QRICH1: variants seen among roughly 807,000 people sequenced by gnomAD.
QRICH1 encodes transcriptional regulator QRICH1.
Under a neutral mutation model 87.1 loss-of-function variants are expected in QRICH1, and 16 were observed. The observed-to-expected ratio is 0.18, with a 90% CI of 0.12 to 0.28. QRICH1 has a LOEUF of 0.28. Ranked by LOEUF, QRICH1 falls within the 10% of genes least tolerant of loss-of-function variation. The pLI is 1.00. For synonymous variants in QRICH1, 367 were observed against 368.4 expected (o/e 1.00, Z 0.05); for missense variants, 647 against 951.7 (o/e 0.68, Z 4.21).
chr3:49,054,378 T>G (rs2093388801), intron 3 of QRICH1, among the ~76,000 whole-genome samples: 1 of 152,174 alleles, frequency 6.6e-6, no homozygotes, highest in Non-Finnish European at 1.5e-5. Flanking sequence ...TACACACATC[T>G]ACTTGATTCC....
At chr3:49,058,651 G>A (rs553064538) in intron 2 of QRICH1, among the ~76,000 whole-genome samples, 11 of 151,310 alleles carry the variant, frequency 7.3e-5, no homozygotes, top group South Asian at 6.3e-4. Context: ...TCTTTGAGGC[G>A]GAGTTTTGCT....
intron 6 of QRICH1, among the ~76,000 whole-genome samples, chr3:49,041,580 G>A (rs1188831986): frequency 2.0e-5 from 3 of 152,020 alleles, no homozygotes; most frequent in Middle Eastern, 3.4e-3. Context: ...TTCCCACCTC[G>A]GTCTCCCAAA....
In QRICH1 at chr3:49,032,591, T is replaced by C. The variant is rs778784043; in HGVS notation, c.2047+31A>G. The C allele has an allele frequency of 1.1e-5, 17 of 1,541,442 alleles. No homozygotes were observed. The East Asian group carries it at 3.2e-4, about 29-fold the overall frequency. On this transcript the variant is annotated intron_variant, in intron 8 of 9. Coordinates refer to ENST00000395443, the MANE Select transcript of QRICH1 (RefSeq NM_198880.3). The stretch of plus-strand genomic sequence containing the variant: ...AGGACAGGGCAGGACAAGTAGCACC[T>C]GTTTTTGCCATCCCTGCCTCCTTTC...
intron 2 of QRICH1, among the ~76,000 whole-genome samples, chr3:49,070,855 AT>A (rs2093496396): frequency 6.6e-6 from 1 of 152,026 alleles, no homozygotes; most frequent in African/African-American, 2.4e-5. Flanking sequence ...TTCTTCTTTC[AT>A]TTACATAGAG....
chr3:49,030,048 A>G lies in QRICH1; in HGVS notation c.*404T>C, dbSNP rs1269321144. The G allele has an allele frequency of 1.0e-5, 3 of 298,470 alleles. No homozygotes were observed. The highest frequency in any genetic ancestry group is 1.1e-4 in the South Asian group (1 of 8,762). The allele number at this position is 298,470 out of a possible 1,614,324, so 18.5% of individuals were successfully genotyped here. ...AAAAGAACATCGTTCCCCTGTGGTC[A>G]GCAAAGTCTGTCAGCCCAGTGGAAG... is the stretch of plus-strand genomic sequence containing the variant. On this transcript the variant is annotated 3_prime_UTR_variant, in exon 10 of 10. Transcript: ENST00000395443.
At chr3:49,040,258 T>G (rs62262474) in intron 6 of QRICH1, among the ~76,000 whole-genome samples, 1 of 152,242 alleles carries the variant, frequency 6.6e-6, no homozygotes, top group Admixed American at 6.5e-5. Context: ...GTTCCAACAA[T>G]AGCCCTCCCT....
upstream of QRICH1, chr3:49,094,170 A>C: frequency 2.5e-6 from 1 of 394,916 alleles, no homozygotes; most frequent in Non-Finnish European, 4.5e-6. Context: ...TCAGCAGGGG[A>C]AGGTGGCCGC....
Position 49,045,475 on chromosome 3 carries a change from GA to G in QRICH1, c.1671+949del, listed in dbSNP as rs1575333562. On this transcript the variant is annotated intron_variant, in intron 5 of 9. Transcript: ENST00000395443. The stretch of plus-strand genomic sequence containing the variant: ...AGGCAAGGTCTTGCTTTGTAGACCA[GA>G]TTGAAGTGTGATGGCACAATCATAG... Among the ~76,000 whole-genome samples, 3 of 152,146 alleles carry G rather than the reference GA, an allele frequency of 2.0e-5. No individual in the cohort carries two copies. The East Asian group carries it at 5.8e-4, about 29-fold the overall frequency.
At chr3:49,093,119 C>A (rs1346773234) in intron 1 of QRICH1, 1 of 152,178 alleles carries the variant, frequency 6.6e-6, no homozygotes, top group African/African-American at 2.4e-5. Flanking sequence ...CAAGGGCCTT[C>A]TAATATTAAC....
chr3:49,033,110 G>A lies in QRICH1; in HGVS notation c.1895+10C>T, dbSNP rs1042098652. The stretch of plus-strand genomic sequence containing the variant: ...ACAGATGCCAGCAGTGGAGCCTCTA[G>A]AACACTTACTTGGTATTAAAGAACA... On this transcript the variant is annotated intron_variant, in intron 7 of 9. Transcript: ENST00000395443. The A allele has an allele frequency of 8.6e-6, 13 of 1,513,050 alleles. No homozygotes were observed. The highest frequency in any genetic ancestry group is 1.2e-5 in the Non-Finnish European group (13 of 1,125,760). 93.7% of individuals were successfully genotyped at this position (1,513,050 alleles called of 1,614,324 possible).
At chr3:49,045,011 A>T (rs75368061) in intron 5 of QRICH1, among the ~76,000 whole-genome samples, 2 of 152,062 alleles carry the variant, frequency 1.3e-5, no homozygotes, top group Non-Finnish European at 2.9e-5. Context: ...AGGCAACAGA[A>T]TAAGTCCCAA....
At position 49,030,374 on chromosome 3, in the gene QRICH1, A is replaced by T; in HGVS notation, c.*78T>A. ...CACCAATAAAAAAAAGAAAAAAAAAAATGGAGGCCTCTTCTTTAGTGTGAA... is the reference window on the plus strand; with the variant it reads ...CACCAATAAAAAAAAGAAAAAAAAATATGGAGGCCTCTTCTTTAGTGTGAA... On this transcript the variant is annotated 3_prime_UTR_variant, in exon 10 of 10. Transcript: ENST00000395443. 7.2e-7 allele frequency: 1 copy of T among 1,385,738 alleles called. No homozygotes were observed. The highest frequency in any genetic ancestry group is 1.3e-5 in the South Asian group (1 of 77,730). The allele number at this position is 1,385,738 out of a possible 1,614,324, so 85.8% of individuals were successfully genotyped here.
Position 49,085,547 on chromosome 3 carries a change from T to C in QRICH1, c.-22+8365A>G, listed in dbSNP as rs554983652. On this transcript the variant is annotated intron_variant, in intron 1 of 9. Coordinates refer to ENST00000395443, the MANE Select transcript of QRICH1 (RefSeq NM_198880.3). ...AGGTGGGTGGATCACCTGAGGTCAG[T>C]AGTTTGAGACCAGCCTGACCAACAT... Among the ~76,000 whole-genome samples the C allele has an allele frequency of 1.3e-4, 20 of 151,882 alleles. No individual in the cohort carries two copies. The East Asian group carries it at 2.9e-3, about 22-fold the overall frequency.
intron 1 of QRICH1, among the ~76,000 whole-genome samples, chr3:49,092,677 T>A (rs1190232172): frequency 6.6e-6 from 1 of 151,930 alleles, no homozygotes; most frequent in African/African-American, 2.4e-5. Context: ...AAAAAAGAGG[T>A]GCCTATTTCT....
intron 2 of QRICH1, among the ~76,000 whole-genome samples, chr3:49,075,547 C>T (rs1423643174): frequency 6.6e-6 from 1 of 152,082 alleles, no homozygotes. Context: ...AGGAGAATCG[C>T]TTGAACCCAA....
chr3:49,063,651 C>T (rs761778334), intron 2 of QRICH1, among the ~76,000 whole-genome samples: 10 of 151,984 alleles, frequency 6.6e-5, no homozygotes, highest in Admixed American at 4.6e-4. Context: ...ATTACCTGGG[C>T]GTGGACACAC....
chr3:49,061,998 A>G (rs2093437759), intron 2 of QRICH1, among the ~76,000 whole-genome samples: 2 of 152,298 alleles, frequency 1.3e-5, no homozygotes, highest in East Asian at 3.9e-4. Context: ...GATAACAAGT[A>G]TAGGTAAGGA....
At chr3:49,040,064 A>G (rs1164012488) in intron 6 of QRICH1, among the ~76,000 whole-genome samples, 1 of 152,364 alleles carries the variant, frequency 6.6e-6, no homozygotes. Flanking sequence ...CCGTCTCAAA[A>G]GCCAAAAAAC....
At chr3:49,038,330 G>A (rs1276989864) in intron 6 of QRICH1, among the ~76,000 whole-genome samples, 2 of 151,664 alleles carry the variant, frequency 1.3e-5, no homozygotes, top group Non-Finnish European at 1.5e-5. Context: ...CAAAGTGCTG[G>A]GATTACAAGC....
Sources: allele counts gnomAD v4.1 joint callset (sites outside exome capture counted in the v4.1 genomes callset), GRCh38; gene constraint gnomAD v4.1.1; transcripts MANE v1.5; gene names NCBI Gene and HGNC (gene_info 2026-07-23, HGNC 2026-07-21).